The following RBFOX1 variants were observed in gnomAD, a reference collection of about 807,000 sequenced individuals.
RBFOX1 encodes the protein RNA binding protein fox-1 homolog 1.
A neutral mutation model predicts 57.7 loss-of-function variants in RBFOX1; 8 were observed. The observed-to-expected ratio is 0.14, with a 90% confidence interval of 0.08 to 0.25. The LOEUF (loss-of-function observed/expected upper bound fraction) is 0.25. RBFOX1 is among the 10% of genes least tolerant of loss of function. RBFOX1 has a pLI of 1.00. For missense variants in RBFOX1, 611 were observed against 548.5 expected, an observed-to-expected ratio of 1.11 and a Z score of -1.14; for synonymous variants, 326 against 222.4, an observed-to-expected ratio of 1.47 and a Z score of -4.15.
At chr16:6,119,877 G>T (rs527898866) in intron 1 of RBFOX1, among the ~76,000 whole-genome samples, 1 of 152,240 alleles carries the variant, frequency 6.6e-6, no homozygotes, top group African/African-American at 2.4e-5. Flanking sequence ...CCTCTATCCA[G>T]TTCTAAGACA....
chr16:7,072,961 C>G (rs2057626253), intron 4 of RBFOX1, among the ~76,000 whole-genome samples: 1 of 152,170 alleles, frequency 6.6e-6, no homozygotes, highest in Non-Finnish European at 1.5e-5. Context: ...GTCTCCATGC[C>G]CTGAGTTCTT....
At chr16:5,642,297 T>G (rs1018349873) in intron 3 of RBFOX1, among the ~76,000 whole-genome samples, 1 of 152,210 alleles carries the variant, frequency 6.6e-6, no homozygotes, top group Non-Finnish European at 1.5e-5. Flanking sequence ...TGAATATCTT[T>G]CTTTAAGCAG....
intron 3 of RBFOX1, among the ~76,000 whole-genome samples, chr16:6,885,541 A>T (rs28660235): frequency 2.0e-5 from 3 of 151,058 alleles, no homozygotes; most frequent in Non-Finnish European, 2.9e-5. Flanking sequence ...TATTTTTTTT[A>T]TTTTTTTTGA....
intron 1 of RBFOX1, among the ~76,000 whole-genome samples, chr16:6,052,551 G>C (rs570364284): frequency 6.1e-4 from 93 of 152,038 alleles, no homozygotes; most frequent in Non-Finnish European, 1.2e-3. Context: ...TTGGGAGGCC[G>C]AGGCGGGCGG....
intron 2 of RBFOX1, among the ~76,000 whole-genome samples, chr16:5,509,946 G>T (rs1325733369): frequency 6.6e-6 from 1 of 152,180 alleles, no homozygotes; most frequent in East Asian, 1.9e-4. Flanking sequence ...GTTTTAGCAG[G>T]TGGTCATGTG....
intron 3 of RBFOX1, among the ~76,000 whole-genome samples, chr16:6,773,075 GTATA>G (rs1215309584): frequency 3.5e-5 from 5 of 142,170 alleles, no homozygotes; most frequent in Non-Finnish European, 6.1e-5. Context: ...ATTTGTGTGT[GTATA>G]TGTATGTGTG....
At chr16:7,411,291 G>C (rs1357843183) in intron 4 of RBFOX1, among the ~76,000 whole-genome samples, 2 of 151,960 alleles carry the variant, frequency 1.3e-5, no homozygotes. Flanking sequence ...CTTGAGGGTT[G>C]TGTGTTAAGC....
intron 3 of RBFOX1, among the ~76,000 whole-genome samples, chr16:5,696,640 G>T (rs1397624940): frequency 1.3e-5 from 2 of 152,222 alleles, no homozygotes; most frequent in East Asian, 1.9e-4. Context: ...AAAGATCAGT[G>T]TATTAAAATT....
intron 5 of RBFOX1, among the ~76,000 whole-genome samples, chr16:7,550,168 C>A (rs898568789): frequency 6.6e-6 from 1 of 152,148 alleles, no homozygotes. Flanking sequence ...TGGCCTCAGG[C>A]AATTCTCCCT....
At chr16:5,626,394 C>G (rs910392612) in intron 3 of RBFOX1, among the ~76,000 whole-genome samples, 2 of 152,142 alleles carry the variant, frequency 1.3e-5, no homozygotes, top group Admixed American at 1.3e-4. Context: ...TAGGAGGACA[C>G]CAGTCAGGTT....
In RBFOX1 at chr16:6,854,089, G is replaced by A. The variant is rs541837792; in HGVS notation, c.-15-197968G>A. Among the ~76,000 whole-genome samples the A allele has an allele frequency of 7.2e-5, 11 of 152,198 alleles. No homozygotes were observed. The East Asian group carries it at 1.2e-3, about 16-fold the overall frequency. On this transcript the variant is annotated intron_variant, in intron 3 of 15. Coordinates refer to ENST00000550418, the MANE Select transcript of RBFOX1 (RefSeq NM_018723.4). Reference sequence around the variant, plus strand: ...AAATCCTATTTATTTAAAGCTGAGTGTGATAATGTTTTCTTTTACAAAACT... The same window carrying A: ...AAATCCTATTTATTTAAAGCTGAGTATGATAATGTTTTCTTTTACAAAACT...
chr16:6,161,099 T>G (rs73529988), intron 1 of RBFOX1, among the ~76,000 whole-genome samples: 8,183 of 152,098 alleles, frequency 0.054, 362 homozygotes, highest in African/African-American at 0.12. Flanking sequence ...AATGGAGAAG[T>G]GATCACTGGC....
chr16:6,912,930 T>G (rs2072078901), intron 3 of RBFOX1, among the ~76,000 whole-genome samples: 1 of 152,114 alleles, frequency 6.6e-6, no homozygotes, highest in African/African-American at 2.4e-5. Context: ...TAGAGCTCCT[T>G]GTTTTTGGTC....
intron 1 of RBFOX1, among the ~76,000 whole-genome samples, chr16:6,290,950 C>G (rs901318156): frequency 2.0e-5 from 3 of 152,070 alleles, no homozygotes; most frequent in Non-Finnish European, 4.4e-5. Context: ...GAGAGCATCC[C>G]CAAGGGCTGC....
chr16:7,173,218 C>G (rs1027519232), intron 4 of RBFOX1, among the ~76,000 whole-genome samples: 3 of 152,162 alleles, frequency 2.0e-5, no homozygotes, highest in Admixed American at 6.5e-5. Flanking sequence ...AACATCACTA[C>G]TTTTCTCCTC....
intron 4 of RBFOX1, among the ~76,000 whole-genome samples, chr16:7,112,079 C>G (rs1451205084): frequency 1.3e-5 from 2 of 152,096 alleles, no homozygotes; most frequent in Non-Finnish European, 2.9e-5. Context: ...AAATTAATTT[C>G]ATTAGAAACA....
chr16:6,920,420 C>G (rs908166475), intron 3 of RBFOX1, among the ~76,000 whole-genome samples: 2 of 152,172 alleles, frequency 1.3e-5, no homozygotes, highest in Non-Finnish European at 2.9e-5. Flanking sequence ...GCTTCCTCAG[C>G]TTATAAATGG....
At position 6,296,927 on chromosome 16, in the gene RBFOX1, G is replaced by T. The variant is rs376926050; in HGVS notation, c.-126-20068G>T. Among the ~76,000 whole-genome samples, 9 of 152,296 alleles carry T rather than the reference G, an allele frequency of 5.9e-5. No homozygotes were observed. The East Asian group carries it at 1.2e-3, about 20-fold the overall frequency. ...AAAGCCTGTTTATTAGGAAATTAAA[G>T]GAATAAAGAATGGTTACTCGATGGA... On this transcript the variant is annotated intron_variant, in intron 1 of 15. Transcript: ENST00000550418.
intron 1 of RBFOX1, among the ~76,000 whole-genome samples, chr16:6,092,154 G>A (rs376500871): frequency 3.3e-5 from 5 of 152,188 alleles, no homozygotes; most frequent in African/African-American, 1.2e-4. Flanking sequence ...TGGTGTGAGG[G>A]AACTAATAAA....
Sources: gnomAD v4.1 joint callset for allele counts (sites outside exome capture counted in the v4.1 genomes callset) on GRCh38, gnomAD v4.1.1 for gene constraint, MANE v1.5 for transcripts, NCBI Gene and HGNC (gene_info 2026-07-23, HGNC 2026-07-21) for gene names.